Variants in ADCY1 observed in about 807,000 individuals in gnomAD.
ADCY1 encodes the protein adenylate cyclase type 1.
ADCY1 carries 28 observed loss-of-function variants against 105.4 expected under a neutral mutation model. That is an observed-to-expected ratio of 0.27 (90% CI 0.20 to 0.36). The LOEUF (loss-of-function observed/expected upper bound fraction) is 0.36, where lower values mean the gene tolerates loss of function less well. ADCY1 is among the 10% of genes least tolerant of loss of function. The pLI, the probability that ADCY1 is intolerant of heterozygous loss-of-function variation, is 1.00. For synonymous variants in ADCY1, 655 were observed against 623.8 expected, an observed-to-expected ratio of 1.05 and a Z score of -0.75; for missense variants, 977 against 1,434.2, an observed-to-expected ratio of 0.68 and a Z score of 5.15.
intron 14 of ADCY1, among the ~76,000 whole-genome samples, chr7:45,700,680 A>G (rs924998929): frequency 6.6e-6 from 1 of 152,316 alleles, no homozygotes; most frequent in African/African-American, 2.4e-5. Context: ...CTGACCTGAC[A>G]CTGGCCAGAT....
At chr7:45,581,984 A>G (rs968006030) in intron 1 of ADCY1, among the ~76,000 whole-genome samples, 8 of 152,064 alleles carry the variant, frequency 5.3e-5, no homozygotes, top group Non-Finnish European at 8.8e-5. Context: ...ACACATCCAT[A>G]CCCACTTGCG....
intron 2 of ADCY1, among the ~76,000 whole-genome samples, chr7:45,595,927 A>G (rs1353729857): frequency 6.6e-6 from 1 of 152,256 alleles, no homozygotes; most frequent in Non-Finnish European, 1.5e-5. Flanking sequence ...ATCAGCACCC[A>G]GGTTCCTCCT....
intron 4 of ADCY1, among the ~76,000 whole-genome samples, chr7:45,638,618 C>T (rs544650163): frequency 3.9e-4 from 59 of 152,040 alleles, no homozygotes; most frequent in African/African-American, 1.4e-3. Flanking sequence ...GTGTGTGCCT[C>T]ATATGTGCTG....
chr7:45,618,727 G>A (rs934381799), intron 3 of ADCY1, among the ~76,000 whole-genome samples: 3 of 152,082 alleles, frequency 2.0e-5, no homozygotes, highest in African/African-American at 4.8e-5. Context: ...ATACTGATGC[G>A]GATGCAGAAA....
At chr7:45,645,913 C>T (rs1794651411) in intron 4 of ADCY1, among the ~76,000 whole-genome samples, 1 of 151,460 alleles carries the variant, frequency 6.6e-6, no homozygotes. Flanking sequence ...CTCATTTGGG[C>T]CTCTGAGAAG....
chr7:45,704,693 C>T (rs1785074755), intron 17 of ADCY1, 77 bp downstream of exon 17: 2 of 1,175,930 alleles, frequency 1.7e-6, no homozygotes, highest in South Asian at 2.6e-5. Context: ...CCCTGGGTAG[C>T]TTCCACACTG....
chr7:45,607,239 A>G (rs543126851), intron 2 of ADCY1, among the ~76,000 whole-genome samples: 2 of 152,274 alleles, frequency 1.3e-5, no homozygotes, highest in East Asian at 3.9e-4. Flanking sequence ...TCTTACGTAT[A>G]CATTCCAGGG....
Position 45,720,697 on chromosome 7 carries a change from C to T in ADCY1, c.*6702C>T, listed in dbSNP as rs987510372. ...GATTCAATATGTTCTATTAATACAC[C>T]GATAACCACAGGGGAAGGGCACTTG... On this transcript the variant is annotated 3_prime_UTR_variant, in exon 20 of 20. Coordinates refer to ENST00000297323, the MANE Select transcript of ADCY1 (RefSeq NM_021116.4). The T allele has an allele frequency of 6.6e-6, 1 of 152,042 alleles. No homozygotes were observed. Among genetic ancestry groups the T allele is most frequent in the African/African-American group, 2.4e-5 (1 of 41,396 alleles). The allele number at this position is 152,042 out of a possible 1,614,324, so 9.4% of individuals were successfully genotyped here.
intron 14 of ADCY1, among the ~76,000 whole-genome samples, chr7:45,692,846 TA>T (rs199824830): frequency 2.0e-4 from 30 of 150,282 alleles, no homozygotes; most frequent in South Asian, 1.5e-3. Context: ...TATTTCAAAA[TA>T]AAAAAAAATA....
chr7:45,603,395 A>G (rs1000803196), intron 2 of ADCY1, among the ~76,000 whole-genome samples: 4 of 152,250 alleles, frequency 2.6e-5, no homozygotes, highest in Non-Finnish European at 5.9e-5. Context: ...TGTTTTCCAA[A>G]GTGGCTGCAC....
chr7:45,600,459 C>T (rs906509834), intron 2 of ADCY1, among the ~76,000 whole-genome samples: 1 of 152,232 alleles, frequency 6.6e-6, no homozygotes, highest in African/African-American at 2.4e-5. Flanking sequence ...GAAGACAGAG[C>T]TGAGAGAGCC....
In ADCY1 at chr7:45,703,405, G is replaced by A; in HGVS notation, c.2484G>A (p.Lys828=). Residue 828 remains lysine, a synonymous_variant, in exon 15 of 20, where the codon AAG becomes AAA. Coordinates refer to ENST00000297323, the MANE Select transcript of ADCY1 (RefSeq NM_021116.4). The surrounding 1 kb of genome is among the most constrained non-coding windows in gnomAD (Gnocchi z 5.9). ...AGGAGGAGCGAGAGGACATGGAGAA[G>A]GTGAAGCTGGACAACAGGCGCATCC... ...QAEEEREDME[K]VKLDNRRILF... 1.2e-6 allele frequency: 2 copies of A among 1,614,082 alleles called. No individual in the cohort carries two copies. Among genetic ancestry groups the A allele is most frequent in the Non-Finnish European group, 1.7e-6 (2 of 1,179,974 alleles).
intron 18 of ADCY1, among the ~76,000 whole-genome samples, chr7:45,709,211 TGGGCAGA>T (rs529509524): frequency 8.9e-4 from 135 of 152,280 alleles, no homozygotes; most frequent in Admixed American, 2.0e-3. Flanking sequence ...GCATGGTGTC[TGGGCAGA>T]GGGCAGGGGC....
rs1179206038 is a variant in ADCY1 at position 45,722,165 on chromosome 7, A to T, written c.*8170A>T. 5 of 262,008 alleles carry T rather than the reference A, an allele frequency of 1.9e-5. No individual in the cohort carries two copies. Among genetic ancestry groups the T allele is most frequent in the African/African-American group, 1.1e-4 (5 of 45,654 alleles). 16.2% of individuals were successfully genotyped at this position (262,008 alleles called of 1,614,324 possible). A position where few individuals can be genotyped will look rare whatever the true frequency, so the allele number is the denominator to read the frequency against. On this transcript the variant is annotated 3_prime_UTR_variant, in exon 20 of 20. Coordinates refer to ENST00000297323, the MANE Select transcript of ADCY1 (RefSeq NM_021116.4). ...TTCCCACATTGGGGGATCCTGAGGG[A>T]GCCCATCACCGCCTCTTGCATACAA...
chr7:45,641,934 A>AAAAAAAAAG lies in ADCY1; in HGVS notation c.1021-6728_1021-6727insGAAAAAAAA, dbSNP rs1412902553. On this transcript the variant is annotated intron_variant, in intron 4 of 19. Coordinates refer to ENST00000297323, the MANE Select transcript of ADCY1 (RefSeq NM_021116.4). Reference sequence around the variant, plus strand: ...GGCGACAGAGCGAGACTCCGTCTCAAAAAAAAAAAAAATGTCTTTTCATCC... The same window carrying AAAAAAAAAG: ...GGCGACAGAGCGAGACTCCGTCTCAAAAAAAAAAGAAAAAAAAAAAATGTCTTTTCATCC... Among the ~76,000 whole-genome samples, 19 of 133,550 alleles carry AAAAAAAAAG rather than the reference A, an allele frequency of 1.4e-4. 1 individual carries two copies. Among genetic ancestry groups the AAAAAAAAAG allele is most frequent in the African/African-American group, 4.7e-4 (16 of 34,398 alleles). 87.6% of individuals were successfully genotyped at this position (133,550 alleles called of 152,430 possible). A position where few individuals can be genotyped will look rare whatever the true frequency, so the allele number is the denominator to read the frequency against.
At chr7:45,582,037 G>T (rs552352479) in intron 1 of ADCY1, among the ~76,000 whole-genome samples, 1 of 152,084 alleles carries the variant, frequency 6.6e-6, no homozygotes, top group East Asian at 1.9e-4. Flanking sequence ...CACTCATTTT[G>T]TACCTACACA....
rs1208181283 is a variant in ADCY1 at position 45,686,524 on chromosome 7, T to C, written c.2328-23T>C. 6.2e-7 allele frequency: 1 copy of C among 1,600,468 alleles called. No individual in the cohort carries two copies. Among genetic ancestry groups the C allele is most frequent in the African/African-American group, 1.3e-5 (1 of 74,750 alleles). On this transcript the variant is annotated intron_variant, in intron 13 of 19. Transcript: ENST00000297323. This position sits in a 1 kb window ranked among gnomAD's most constrained non-coding sequence, Gnocchi z 4.3. ...CCTGGAAGCTCGGCACTGACTTGGC[T>C]TTTCTTCCTCATCTTCCCCCAGGGG...
intron 4 of ADCY1, among the ~76,000 whole-genome samples, chr7:45,628,758 C>T (rs1274787976): frequency 3.9e-5 from 6 of 152,186 alleles, no homozygotes; most frequent in East Asian, 1.9e-4. Context: ...AACTGCACCA[C>T]GTGTGGCCTA....
intron 8 of ADCY1, among the ~76,000 whole-genome samples, chr7:45,672,280 A>G (rs1333868033): frequency 3.3e-5 from 5 of 152,108 alleles, no homozygotes; most frequent in Admixed American, 2.6e-4. Context: ...TGGGTTATCT[A>G]TTCTGTTCCA....
Sources: allele counts gnomAD v4.1 joint callset (sites outside exome capture counted in the v4.1 genomes callset), GRCh38; gene constraint gnomAD v4.1.1; non-coding constraint Gnocchi (gnomAD v3.1); transcripts MANE v1.5; gene names NCBI Gene and HGNC (gene_info 2026-07-23, HGNC 2026-07-21).